DYM: variants seen among roughly 807,000 people sequenced by gnomAD.
The protein encoded by DYM is dymeclin, also known as dyggve-Melchior-Clausen syndrome protein.
Under a neutral mutation model 93.1 loss-of-function variants are expected in DYM, and 78 were observed. The observed-to-expected ratio is 0.84, with a 90% CI of 0.70 to 1.01. DYM has a LOEUF of 1.01. Among genes scored for constraint, DYM ranks in the 50% least tolerant of loss-of-function variants. The pLI is 0.00. For synonymous variants in DYM, 321 were observed against 319.7 expected, an observed-to-expected ratio of 1.00 and a Z score of -0.04; for missense variants, 789 against 845.0, an observed-to-expected ratio of 0.93 and a Z score of 0.82.
intron 14 of DYM, among the ~76,000 whole-genome samples, chr18:49,165,778 G>A (rs914749603): frequency 3.3e-5 from 5 of 152,058 alleles, no homozygotes; most frequent in Non-Finnish European, 7.4e-5. Flanking sequence ...ATATCTGAAC[G>A]AACGATTTCT....
chr18:49,083,276 G>A (rs934532138), intron 17 of DYM, among the ~76,000 whole-genome samples: 1 of 152,204 alleles, frequency 6.6e-6, no homozygotes, highest in Admixed American at 6.5e-5. Flanking sequence ...CATGTGGTTT[G>A]TCCTTTAGTC....
intron 17 of DYM, among the ~76,000 whole-genome samples, chr18:49,057,311 A>G (rs191166076): frequency 6.6e-6 from 1 of 152,352 alleles, no homozygotes; most frequent in East Asian, 1.9e-4. Flanking sequence ...GAGACCGCAG[A>G]GAGGAAGGAC....
At chr18:49,428,578 C>A (rs2074521424) in intron 2 of DYM, among the ~76,000 whole-genome samples, 1 of 152,178 alleles carries the variant, frequency 6.6e-6, no homozygotes, top group African/African-American at 2.4e-5. Flanking sequence ...CCCAGTTACT[C>A]GGGAGGCTGA....
chr18:49,407,241 A>G (rs2071605195), intron 2 of DYM, among the ~76,000 whole-genome samples: 1 of 152,210 alleles, frequency 6.6e-6, no homozygotes, highest in Non-Finnish European at 1.5e-5. Flanking sequence ...TAAGCACTGT[A>G]TCTTGATCAT....
intron 17 of DYM, among the ~76,000 whole-genome samples, chr18:49,052,781 C>T (rs577759841): frequency 8.5e-5 from 13 of 152,316 alleles, no homozygotes; most frequent in African/African-American, 3.1e-4. Context: ...CTCAGGTCAA[C>T]GTGCTTTGAG....
intron 8 of DYM, among the ~76,000 whole-genome samples, chr18:49,313,584 T>C (rs1485309710): frequency 6.6e-6 from 1 of 151,322 alleles, no homozygotes. Context: ...ACCCCTTGTT[T>C]AGCATATCAT....
At chr18:49,263,181 C>G (rs894363482) in intron 11 of DYM, among the ~76,000 whole-genome samples, 1 of 151,702 alleles carries the variant, frequency 6.6e-6, no homozygotes, top group African/African-American at 2.4e-5. Flanking sequence ...TGCAATGGCA[C>G]GATCTCGGCT....
chr18:49,147,141 A>G (rs955023384), intron 15 of DYM, among the ~76,000 whole-genome samples: 10 of 152,124 alleles, frequency 6.6e-5, no homozygotes, highest in Non-Finnish European at 1.0e-4. Flanking sequence ...CTGGCTAGCC[A>G]TATGTAGAAA....
At chr18:49,201,214 G>C (rs1490830387) in intron 14 of DYM, among the ~76,000 whole-genome samples, 2 of 152,090 alleles carry the variant, frequency 1.3e-5, no homozygotes, top group African/African-American at 2.4e-5. Context: ...ATGTTGATAG[G>C]AACTAACTAC....
chr18:49,199,912 G>C (rs557387060), intron 14 of DYM, among the ~76,000 whole-genome samples: 1 of 151,890 alleles, frequency 6.6e-6, no homozygotes, highest in South Asian at 2.1e-4. Context: ...AAATTTGAAA[G>C]TGCTACAGTT....
At chr18:49,056,401 T>C (rs1167015229) in intron 17 of DYM, among the ~76,000 whole-genome samples, 8 of 152,242 alleles carry the variant, frequency 5.3e-5, no homozygotes. Context: ...GCTCTCAGGC[T>C]ACATGCCACT....
At chr18:49,352,695 C>A (rs898527143) in intron 6 of DYM, among the ~76,000 whole-genome samples, 1 of 152,106 alleles carries the variant, frequency 6.6e-6, no homozygotes, top group Non-Finnish European at 1.5e-5. Flanking sequence ...CATCAATAAA[C>A]CTAACTTTTA....
At chr18:49,129,356 GAAA>G (rs934016714) in intron 15 of DYM, among the ~76,000 whole-genome samples, 12 of 152,204 alleles carry the variant, frequency 7.9e-5, no homozygotes, top group Non-Finnish European at 1.6e-4. Context: ...TTAGTGAGGA[GAAA>G]AAAACCAGGT....
intron 8 of DYM, among the ~76,000 whole-genome samples, chr18:49,317,704 T>G (rs1239795570): frequency 1.5e-5 from 2 of 134,432 alleles, no homozygotes; most frequent in African/African-American, 5.8e-5. Context: ...TTTCTTTCTT[T>G]CAAGCAATTC....
chr18:49,106,734 C>A (rs1311886360), intron 16 of DYM, among the ~76,000 whole-genome samples: 2 of 152,186 alleles, frequency 1.3e-5, no homozygotes, highest in Non-Finnish European at 2.9e-5. Context: ...AATATTGGCC[C>A]CCACTCTCTT....
intron 15 of DYM, among the ~76,000 whole-genome samples, chr18:49,132,329 T>C (rs1481487839): frequency 6.6e-6 from 1 of 152,136 alleles, no homozygotes. Context: ...GTTTGAACTT[T>C]TTCATAATAA....
chr18:49,395,324 C>T (rs941356791), intron 2 of DYM, among the ~76,000 whole-genome samples: 21 of 151,812 alleles, frequency 1.4e-4, no homozygotes, highest in African/African-American at 4.8e-4. Flanking sequence ...CCTAAATAGA[C>T]ACCTCTCAAA....
At position 49,208,460 on chromosome 18, in the gene DYM, G is replaced by GT. The variant is rs1245804771; in HGVS notation, c.1625+1090dup. On this transcript the variant is annotated intron_variant, in intron 14 of 17. Coordinates refer to ENST00000675505, the MANE Select transcript of DYM (RefSeq NM_001353214.3). ...TTTTCACCTACTTTTCTAACCCTCA[G>GT]TTTTTTATTTCTCAAAAGTATCTAC... is the stretch of plus-strand genomic sequence containing the variant. The GT allele has an allele frequency of 2.0e-5, 3 of 152,152 alleles. No individual in the cohort carries two copies. The East Asian group carries it at 5.8e-4, about 29-fold the overall frequency. The allele number at this position is 152,152 out of a possible 1,614,324, so 9.4% of individuals were successfully genotyped here. A position where few individuals can be genotyped will look rare whatever the true frequency, so the allele number is the denominator to read the frequency against.
At chr18:49,435,365 G>A (rs1459073524) in intron 1 of DYM, among the ~76,000 whole-genome samples, 1 of 145,464 alleles carries the variant, frequency 6.9e-6, no homozygotes, top group African/African-American at 2.6e-5. Context: ...TTATTTAAAA[G>A]CAATCTTGGA....
Sources: allele counts gnomAD v4.1 joint callset (sites outside exome capture counted in the v4.1 genomes callset), GRCh38; gene constraint gnomAD v4.1.1; transcripts MANE v1.5; gene names NCBI Gene and HGNC (gene_info 2026-07-23, HGNC 2026-07-21).